Variants in KPNB1 observed in about 807,000 individuals in gnomAD.
The protein encoded by KPNB1 is importin subunit beta-1.
A neutral mutation model predicts 113.0 loss-of-function variants in KPNB1; 7 were observed. The ratio of observed to expected loss-of-function variants is 0.06; its 90% confidence interval spans 0.04 to 0.12. KPNB1 has a LOEUF of 0.12. Ranked by LOEUF, KPNB1 falls within the 10% of genes least tolerant of loss-of-function variation. The pLI is 1.00. For missense variants in KPNB1, 400 were observed against 1,054.8 expected (o/e 0.38, Z 8.60); for synonymous variants, 363 against 378.6 (o/e 0.96, Z 0.48).
chr17:47,657,372 G>A (rs903004205), intron 4 of KPNB1, among the ~76,000 whole-genome samples: 1 of 152,144 alleles, frequency 6.6e-6, no homozygotes, highest in East Asian at 1.9e-4. Flanking sequence ...TTAAGATCCC[G>A]AATGTACCAT....
At chr17:47,675,016 C>T (rs2030553079) in intron 15 of KPNB1, among the ~76,000 whole-genome samples, 1 of 152,056 alleles carries the variant, frequency 6.6e-6, no homozygotes, top group Non-Finnish European at 1.5e-5. Flanking sequence ...GATGGAGTTT[C>T]GCCATGTTGC....
At chr17:47,651,013 T>G (rs1048480199) in intron 2 of KPNB1, among the ~76,000 whole-genome samples, 1 of 151,926 alleles carries the variant, frequency 6.6e-6, no homozygotes, top group African/African-American at 2.4e-5. Flanking sequence ...TTTGCTCGGT[T>G]ATTCCTCTCT....
At chr17:47,650,333 G>A (rs747049138) in intron 1 of KPNB1, 49 bp downstream of exon 1, 68 of 1,610,830 alleles carry the variant, frequency 4.2e-5, no homozygotes, top group Non-Finnish European at 5.6e-5. Context: ...GGGTGGGGGA[G>A]GGGAGGCCCG....
Position 47,650,241 on chromosome 17 carries a change from C to T in KPNB1, c.-4C>T, listed in dbSNP as rs1395127351. 1.9e-6 allele frequency: 3 copies of T among 1,582,992 alleles called. No homozygotes were observed. The stretch of plus-strand genomic sequence containing the variant: ...GAGGAGTCGCCGCCGCCGCCACCTC[C>T]GCCATGGAGCTGATCACCATTCTCG... On this transcript the variant is annotated 5_prime_UTR_variant, in exon 1 of 22. Coordinates refer to ENST00000290158, the MANE Select transcript of KPNB1 (RefSeq NM_002265.6).
At chr17:47,668,497 A>C in intron 10 of KPNB1, 87 bp downstream of exon 10, 1 of 1,014,358 alleles carries the variant, frequency 9.9e-7, no homozygotes, top group Non-Finnish European at 1.5e-6. Context: ...ACAAAACTGT[A>C]AATTGTCATC....
intron 3 of KPNB1, among the ~76,000 whole-genome samples, chr17:47,654,846 C>G (rs1915675912): frequency 6.6e-6 from 1 of 152,194 alleles, no homozygotes; most frequent in Non-Finnish European, 1.5e-5. Flanking sequence ...ACCCATTCAG[C>G]CCCTGATATT....
Position 47,677,147 on chromosome 17 carries a change from CTAAT to C in KPNB1, c.2103+24_2103+27del. The C allele has an allele frequency of 2.7e-6, 4 of 1,494,386 alleles. No homozygotes were observed. The highest frequency in any genetic ancestry group is 2.3e-5 in the East Asian group (1 of 44,234). The allele number at this position is 1,494,386 out of a possible 1,614,324, so 92.6% of individuals were successfully genotyped here. A position where few individuals can be genotyped will look rare whatever the true frequency, so the allele number is the denominator to read the frequency against. ...TTGGGGGTGAGTATCTACACACAATCTAATTAACCAGTCTTCTTTGAAGAAAACA... is the reference window on the plus strand; with the variant it reads ...TTGGGGGTGAGTATCTACACACAATCTAACCAGTCTTCTTTGAAGAAAACA... On this transcript the variant is annotated intron_variant, in intron 17 of 21. Transcript: ENST00000290158.
chr17:47,673,249 C>A, intron 13 of KPNB1, 84 bp downstream of exon 13: 3 of 1,304,536 alleles, frequency 2.3e-6, no homozygotes, highest in Non-Finnish European at 3.2e-6. Context: ...ACTGTTCTGT[C>A]TTTTTAGTGT....
chr17:47,675,361 G>GTTTTTTGTTTTTTTTTTTTTTTTTTTTT (rs2030568899), intron 15 of KPNB1, among the ~76,000 whole-genome samples: 1 of 88,692 alleles, frequency 1.1e-5, no homozygotes, highest in Non-Finnish European at 2.3e-5. Flanking sequence ...CAGAGGTGTT[G>GTTTTTTGTTTTTTTTTTTTTTTTTTTTT]TTTTTTTTTT....
intron 10 of KPNB1, among the ~76,000 whole-genome samples, chr17:47,669,240 G>T (rs902322644): frequency 3.3e-5 from 5 of 152,060 alleles, no homozygotes; most frequent in Admixed American, 2.6e-4. Context: ...CCCTGAGTAG[G>T]TGGGACTATG....
intron 9 of KPNB1, 26 bp downstream of exon 9, chr17:47,665,184 G>C: frequency 6.5e-7 from 1 of 1,546,512 alleles, no homozygotes; most frequent in African/African-American, 1.4e-5. Flanking sequence ...AATATAGGTA[G>C]GTAAGCTGTG....
chr17:47,680,276 T>A, intron 20 of KPNB1, 142 bp downstream of exon 20: 1 of 759,522 alleles, frequency 1.3e-6, no homozygotes, highest in African/African-American at 1.7e-5. Flanking sequence ...ACGCTTCATG[T>A]CCTGTTTTGA....
intron 3 of KPNB1, among the ~76,000 whole-genome samples, chr17:47,654,053 T>G (rs1915652464): frequency 6.6e-6 from 1 of 152,136 alleles, no homozygotes; most frequent in Non-Finnish European, 1.5e-5. Flanking sequence ...TGGGATAAGA[T>G]GTAATTGGAA....
In KPNB1 at chr17:47,650,034, C is replaced by G; in HGVS notation, c.-211C>G. 1 of 1,359,544 alleles carries G rather than the reference C, an allele frequency of 7.4e-7. No homozygotes were observed. Among genetic ancestry groups the G allele is most frequent in the Non-Finnish European group, 9.4e-7 (1 of 1,062,088 alleles). The allele number at this position is 1,359,544 out of a possible 1,614,324, so 84.2% of individuals were successfully genotyped here. On this transcript the variant is annotated 5_prime_UTR_variant, in exon 1 of 22. Coordinates refer to ENST00000290158, the MANE Select transcript of KPNB1 (RefSeq NM_002265.6). ...GGGTCCCTCCCCCGCCGCCAGCAGC[C>G]CATTTGGAGGGAGGAAGTAAGGGAA...
intron 19 of KPNB1, among the ~76,000 whole-genome samples, chr17:47,678,945 A>T (rs750812303): frequency 7.3e-5 from 11 of 151,226 alleles, no homozygotes; most frequent in African/African-American, 1.5e-4. Flanking sequence ...TTTTTTGGAG[A>T]CAGTCTCACT....
intron 13 of KPNB1, 28 bp downstream of exon 13, chr17:47,673,193 G>A (rs1201644507): frequency 6.2e-7 from 1 of 1,611,436 alleles, no homozygotes; most frequent in Non-Finnish European, 8.5e-7. Flanking sequence ...CCCTGACTAT[G>A]GGTGGGAATT....
At position 47,680,042 on chromosome 17, in the gene KPNB1, C is replaced by T; in HGVS notation, c.2376C>T (p.Pro792=). 1 of 1,613,258 alleles carries T rather than the reference C, an allele frequency of 6.2e-7. No individual in the cohort carries two copies. Among genetic ancestry groups the T allele is most frequent in the South Asian group, 1.1e-5 (1 of 91,074 alleles). ...NVHPDVMLVQ[P]RVEFILSFID... ...TAGCGGATGTGATGCTGGTACAACC[C>T]AGAGTAGAATTTATTCTGTCTTTCA... The change falls in exon 20 of 22, where the codon CCC becomes CCT. Residue 792 remains proline (P), a synonymous_variant. Transcript: ENST00000290158.
intron 12 of KPNB1, 113 bp downstream of exon 12, chr17:47,670,945 T>A (rs1453884977): frequency 6.2e-6 from 6 of 963,466 alleles, no homozygotes; most frequent in Non-Finnish European, 6.1e-6. Context: ...GACAAGACTC[T>A]ACCTTCTCTA....
chr17:47,673,614 C>A, intron 14 of KPNB1, 53 bp downstream of exon 14: 1 of 1,320,550 alleles, frequency 7.6e-7, no homozygotes, highest in South Asian at 1.2e-5. Flanking sequence ...TTATTAGTAT[C>A]TCAGTATAAC....
Sources: allele counts gnomAD v4.1 joint callset (sites outside exome capture counted in the v4.1 genomes callset), GRCh38; gene constraint gnomAD v4.1.1; transcripts MANE v1.5; gene names NCBI Gene and HGNC (gene_info 2026-07-23, HGNC 2026-07-21).